The following HS3ST4 variants were observed in gnomAD, a reference collection of about 807,000 sequenced individuals.
HS3ST4 encodes the protein heparan sulfate glucosamine 3-O-sulfotransferase 4.
HS3ST4 carries 17 observed loss-of-function variants against 29.2 expected under a neutral mutation model. The ratio of observed to expected loss-of-function variants is 0.58; its 90% confidence interval spans 0.40 to 0.87. The LOEUF (loss-of-function observed/expected upper bound fraction) is 0.87, where lower values mean the gene tolerates loss of function less well. HS3ST4 is among the 40% of genes least tolerant of loss of function. The pLI is 0.00. For missense variants in HS3ST4, 627 were observed against 634.5 expected (o/e 0.99, Z 0.13); for synonymous variants, 314 against 285.7 (o/e 1.10, Z -1.00).
intron 1 of HS3ST4, among the ~76,000 whole-genome samples, chr16:26,049,256 A>G (rs1898306378): frequency 6.6e-6 from 1 of 152,012 alleles, no homozygotes; most frequent in Admixed American, 6.6e-5. Context: ...ATGAAAAGCT[A>G]GAAGGCTGGG....
intron 1 of HS3ST4, among the ~76,000 whole-genome samples, chr16:26,048,988 T>G (rs1898303233): frequency 6.6e-6 from 1 of 152,114 alleles, no homozygotes; most frequent in African/African-American, 2.4e-5. Context: ...AAAACGGAGA[T>G]AAGAAGCCTT....
chr16:26,026,940 G>T (rs553195441), intron 1 of HS3ST4, among the ~76,000 whole-genome samples: 1 of 152,146 alleles, frequency 6.6e-6, no homozygotes, highest in East Asian at 1.9e-4. Flanking sequence ...ACATGAATCC[G>T]TAGGCTAAGC....
intron 1 of HS3ST4, among the ~76,000 whole-genome samples, chr16:25,892,306 G>A (rs998410506): frequency 2.6e-5 from 4 of 152,222 alleles, no homozygotes; most frequent in Non-Finnish European, 4.4e-5. Flanking sequence ...CCCAGGCACA[G>A]CAAGAGTAGA....
rs115669278 is a variant in HS3ST4 at position 25,720,668 on chromosome 16, A to G, written c.734+27517A>G. 4.5e-3 allele frequency among the ~76,000 whole-genome samples: 683 copies of G among 152,318 alleles called. 5 individuals are homozygous for G. Among genetic ancestry groups the G allele is most frequent in the African/African-American group, 0.016 (652 of 41,566 alleles). On this transcript the variant is annotated intron_variant, in intron 1 of 1. Transcript: ENST00000331351. Reference sequence around the variant, plus strand: ...CTAATCCAATGCTTGCACCAGTCACATCACCACACTAAAATACAGTGTTTG... The same window carrying G: ...CTAATCCAATGCTTGCACCAGTCACGTCACCACACTAAAATACAGTGTTTG...
intron 1 of HS3ST4, among the ~76,000 whole-genome samples, chr16:25,846,467 G>A (rs2141647387): frequency 6.6e-6 from 1 of 151,898 alleles, no homozygotes; most frequent in African/African-American, 2.4e-5. Flanking sequence ...CCAGGAGTTC[G>A]AGGCTGCAGT....
At chr16:25,770,917 C>T (rs1420673955) in intron 1 of HS3ST4, among the ~76,000 whole-genome samples, 1 of 152,052 alleles carries the variant, frequency 6.6e-6, no homozygotes, top group Non-Finnish European at 1.5e-5. Flanking sequence ...CACATTGTCA[C>T]TTTGGGTCCT....
intron 1 of HS3ST4, among the ~76,000 whole-genome samples, chr16:26,087,467 C>T (rs998112463): frequency 1.3e-5 from 2 of 152,146 alleles, no homozygotes; most frequent in African/African-American, 4.8e-5. Flanking sequence ...ACCTGGCATT[C>T]CGTTGACCTA....
chr16:25,861,322 G>A (rs927671543), intron 1 of HS3ST4, among the ~76,000 whole-genome samples: 1 of 152,136 alleles, frequency 6.6e-6, no homozygotes, highest in East Asian at 1.9e-4. Flanking sequence ...TGCAAGTTCA[G>A]CTTAGAGTCT....
chr16:25,720,765 G>A (rs1243849780), intron 1 of HS3ST4, among the ~76,000 whole-genome samples: 1 of 152,188 alleles, frequency 6.6e-6, no homozygotes, highest in African/African-American at 2.4e-5. Context: ...TAGATTTATG[G>A]CTGGACAGCT....
At chr16:25,922,974 C>T (rs112675001) in intron 1 of HS3ST4, among the ~76,000 whole-genome samples, 11,652 of 152,216 alleles carry the variant, frequency 0.077, 567 homozygotes, top group Non-Finnish European at 0.096. Flanking sequence ...CCTGTTGGAG[C>T]GGCAGGCATC....
chr16:25,718,680 T>G (rs1410759222), intron 1 of HS3ST4, among the ~76,000 whole-genome samples: 2 of 152,178 alleles, frequency 1.3e-5, no homozygotes, highest in East Asian at 3.9e-4. Context: ...ATAACGAGCC[T>G]CCAAGAATGT....
intron 1 of HS3ST4, among the ~76,000 whole-genome samples, chr16:26,030,054 T>A (rs1444259681): frequency 6.6e-6 from 1 of 152,348 alleles, no homozygotes; most frequent in Non-Finnish European, 1.5e-5. Context: ...CATGGCAGCA[T>A]GGGTCTAGGG....
At chr16:26,006,046 C>T (rs1969254866) in intron 1 of HS3ST4, among the ~76,000 whole-genome samples, 1 of 152,034 alleles carries the variant, frequency 6.6e-6, no homozygotes, top group Non-Finnish European at 1.5e-5. Flanking sequence ...CACCTGTAAT[C>T]CCAGTACTTT....
At chr16:25,766,397 T>A (rs994149894) in intron 1 of HS3ST4, among the ~76,000 whole-genome samples, 2 of 152,074 alleles carry the variant, frequency 1.3e-5, no homozygotes, top group African/African-American at 4.8e-5. Flanking sequence ...TAGCAGAGAT[T>A]TTAGTTATTG....
intron 1 of HS3ST4, among the ~76,000 whole-genome samples, chr16:25,834,020 T>C (rs1270172046): frequency 6.6e-6 from 1 of 151,542 alleles, no homozygotes; most frequent in Non-Finnish European, 1.5e-5. Context: ...TTGGCAAATT[T>C]GAAAAAAAAA....
chr16:26,134,780 G>C (rs1050775772), intron 1 of HS3ST4, among the ~76,000 whole-genome samples: 1 of 152,070 alleles, frequency 6.6e-6, no homozygotes, highest in Non-Finnish European at 1.5e-5. Context: ...AATACCTTTG[G>C]ACCAAGTCAG....
At chr16:25,911,426 C>T (rs1968237064) in intron 1 of HS3ST4, among the ~76,000 whole-genome samples, 1 of 151,520 alleles carries the variant, frequency 6.6e-6, no homozygotes, top group South Asian at 2.1e-4. Context: ...GGCGTTCTCT[C>T]CTCCTTGTCT....
At chr16:25,717,613 C>T (rs927234976) in intron 1 of HS3ST4, among the ~76,000 whole-genome samples, 1 of 151,212 alleles carries the variant, frequency 6.6e-6, no homozygotes, top group Non-Finnish European at 1.5e-5. Flanking sequence ...GAAGGTGCAT[C>T]GCATGCTGGA....
intron 1 of HS3ST4, among the ~76,000 whole-genome samples, chr16:26,041,197 C>T (rs548102541): frequency 6.6e-6 from 1 of 152,044 alleles, no homozygotes; most frequent in East Asian, 1.9e-4. Context: ...AAAAAATCAC[C>T]CAGGTGTGGT....
Sources: allele counts gnomAD v4.1 joint callset (sites outside exome capture counted in the v4.1 genomes callset), GRCh38; gene constraint gnomAD v4.1.1; transcripts MANE v1.5; gene names NCBI Gene and HGNC (gene_info 2026-07-23, HGNC 2026-07-21).